DLEU7: variants seen among roughly 807,000 people sequenced by gnomAD.
The protein encoded by DLEU7 is leukemia-associated protein 7.
DLEU7 carries 17 observed loss-of-function variants against 16.0 expected under a neutral mutation model. That is an observed-to-expected ratio of 1.06 (90% CI 0.73 to 1.59). The LOEUF is 1.59. DLEU7 is among the 40% of genes most tolerant of loss of function. The pLI, the probability that DLEU7 is intolerant of heterozygous loss-of-function variation, is 0.00. For synonymous variants in DLEU7, 113 were observed against 139.8 expected (o/e 0.81, Z 1.35); for missense variants, 308 against 314.9 (o/e 0.98, Z 0.17).
chr13:50,752,435 G>T (rs1874597453), intron 1 of DLEU7, among the ~76,000 whole-genome samples: 1 of 149,034 alleles, frequency 6.7e-6, no homozygotes, highest in Admixed American at 6.7e-5. Flanking sequence ...GGTTTTGATA[G>T]GTTGTGTTGT....
At chr13:50,739,155 A>C (rs1874176401) in intron 1 of DLEU7, among the ~76,000 whole-genome samples, 1 of 151,952 alleles carries the variant, frequency 6.6e-6, no homozygotes, top group African/African-American at 2.4e-5. Context: ...AATCCTACTC[A>C]TTCTTCAGCA....
At chr13:50,833,605 G>A (rs1432184149) in intron 1 of DLEU7, among the ~76,000 whole-genome samples, 1 of 152,140 alleles carries the variant, frequency 6.6e-6, no homozygotes, top group Admixed American at 6.5e-5. Flanking sequence ...TGTGAAAATG[G>A]TCATACTGCC....
rs563983572 is a variant in DLEU7 at position 50,730,189 on chromosome 13, G to A, written c.460-16949C>T. ...GAGGAGGGGTTGGTCTTGCTGTCTC[G>A]GGGTGGCAGAGCTGGAAGAGGTGGA... On this transcript the variant is annotated intron_variant, in intron 1 of 1. Coordinates refer to the DLEU7 transcript ENST00000400393. Among the ~76,000 whole-genome samples the A allele has an allele frequency of 2.0e-5, 3 of 152,002 alleles. No homozygotes were observed. The East Asian group carries it at 5.8e-4, about 29-fold the overall frequency.
chr13:50,816,277 TTA>T (rs1328637496), intron 1 of DLEU7, among the ~76,000 whole-genome samples: 2 of 152,290 alleles, frequency 1.3e-5, no homozygotes, highest in African/African-American at 4.8e-5. Flanking sequence ...ATAGAATAGC[TTA>T]TTTCTATTCC....
chr13:50,842,586 A>G (rs1877703344), intron 1 of DLEU7, among the ~76,000 whole-genome samples: 1 of 152,214 alleles, frequency 6.6e-6, no homozygotes, highest in Non-Finnish European at 1.5e-5. Flanking sequence ...GCAAGAGTTT[A>G]GCATTTAGTA....
chr13:50,743,460 T>C (rs1261508924), intron 1 of DLEU7, among the ~76,000 whole-genome samples: 2 of 152,200 alleles, frequency 1.3e-5, no homozygotes, highest in Non-Finnish European at 2.9e-5. Context: ...CTCTATTCTT[T>C]ACAGCTGTTA....
Position 50,796,986 on chromosome 13 carries a change from T to C in DLEU7, c.459+46202A>G, listed in dbSNP as rs143691899. Among the ~76,000 whole-genome samples the C allele has an allele frequency of 1.6e-3, 236 of 152,168 alleles. 1 individual carries two copies. The highest frequency in any genetic ancestry group is 5.4e-3 in the African/African-American group (224 of 41,516). On this transcript the variant is annotated intron_variant, in intron 1 of 1. Transcript: ENST00000400393. Reference sequence around the variant, plus strand: ...CAGTTAACACACTCTAACTAATACATTGAATAAAATGTGCTATAGACAAGC... The same window carrying C: ...CAGTTAACACACTCTAACTAATACACTGAATAAAATGTGCTATAGACAAGC...
At chr13:50,811,914 C>CA (rs1876581438) in intron 1 of DLEU7, among the ~76,000 whole-genome samples, 2 of 151,682 alleles carry the variant, frequency 1.3e-5, no homozygotes, top group South Asian at 2.1e-4. Context: ...ACTAAAAATA[C>CA]AAAAAATCAG....
At chr13:50,777,215 C>T (rs980258035) in intron 1 of DLEU7, among the ~76,000 whole-genome samples, 6 of 152,104 alleles carry the variant, frequency 3.9e-5, no homozygotes, top group Non-Finnish European at 7.3e-5. Flanking sequence ...TCAACTTGAT[C>T]GGATTGAAGG....
intron 1 of DLEU7, among the ~76,000 whole-genome samples, chr13:50,745,756 A>T (rs1341369557): frequency 6.6e-6 from 1 of 151,978 alleles, no homozygotes; most frequent in Admixed American, 6.6e-5. Context: ...CCTCTTTGGG[A>T]TGGGTATTTA....
At chr13:50,748,954 T>G (rs574550503) in intron 1 of DLEU7, among the ~76,000 whole-genome samples, 18 of 152,206 alleles carry the variant, frequency 1.2e-4, no homozygotes, top group African/African-American at 3.9e-4. Flanking sequence ...AGTAAGTTCT[T>G]TAGTGGTGAT....
intron 1 of DLEU7, among the ~76,000 whole-genome samples, chr13:50,773,001 T>A (rs1190327929): frequency 2.6e-5 from 4 of 152,208 alleles, no homozygotes. Context: ...CTCTTCTCGC[T>A]TCATTTCATT....
chr13:50,768,914 G>C (rs555122628), intron 1 of DLEU7, among the ~76,000 whole-genome samples: 1 of 152,134 alleles, frequency 6.6e-6, no homozygotes, highest in African/African-American at 2.4e-5. Context: ...GTGTAGAAGC[G>C]TTCCTATTTC....
intron 1 of DLEU7, among the ~76,000 whole-genome samples, chr13:50,729,317 A>G (rs528090749): frequency 6.6e-6 from 1 of 152,206 alleles, no homozygotes; most frequent in African/African-American, 2.4e-5. Flanking sequence ...TTCACTTAGG[A>G]TAGTGACCTC....
chr13:50,835,249 C>A (rs56397918), intron 1 of DLEU7, among the ~76,000 whole-genome samples: 3 of 152,094 alleles, frequency 2.0e-5, no homozygotes, highest in Non-Finnish European at 2.9e-5. Context: ...CAAATGATGC[C>A]AGGTGCAGTA....
At chr13:50,772,361 C>A (rs538942159) in intron 1 of DLEU7, among the ~76,000 whole-genome samples, 6 of 152,268 alleles carry the variant, frequency 3.9e-5, no homozygotes, top group Admixed American at 3.3e-4. Context: ...TTCCTAGCCT[C>A]GATGGTCTTC....
intron 1 of DLEU7, among the ~76,000 whole-genome samples, chr13:50,774,905 C>A (rs1380134976): frequency 6.6e-6 from 1 of 151,978 alleles, no homozygotes; most frequent in East Asian, 1.9e-4. Flanking sequence ...TAAAGATTTT[C>A]TTTTTCAGTT....
chr13:50,822,621 C>G (rs891192733), downstream of DLEU7: 4 of 983,482 alleles, frequency 4.1e-6, no homozygotes, highest in Non-Finnish European at 4.8e-6. Context: ...ACAGTAAAAG[C>G]TAGACTTTTC....
chr13:50,781,992 T>A (rs1355675485), intron 1 of DLEU7, among the ~76,000 whole-genome samples: 2 of 152,236 alleles, frequency 1.3e-5, no homozygotes, highest in East Asian at 3.8e-4. Flanking sequence ...GTATTCAAAC[T>A]GTGGTTTTAT....
Sources: allele counts gnomAD v4.1 joint callset (sites outside exome capture counted in the v4.1 genomes callset), GRCh38; gene constraint gnomAD v4.1.1; transcripts MANE v1.5; gene names NCBI Gene and HGNC (gene_info 2026-07-23, HGNC 2026-07-21).